RBFOX1: variants seen among roughly 807,000 people sequenced by gnomAD.
RBFOX1 encodes the protein RNA binding fox-1 homolog 1.
Under a neutral mutation model 57.7 loss-of-function variants are expected in RBFOX1, and 8 were observed. The ratio of observed to expected loss-of-function variants is 0.14; its 90% CI spans 0.08 to 0.25. The LOEUF is 0.25. RBFOX1 is among the 10% of genes least tolerant of loss of function. The probability of loss-of-function intolerance (pLI) is 1.00; values close to 1 mark genes in which losing one functional copy is unlikely to be tolerated. For synonymous variants in RBFOX1, 326 were observed against 222.4 expected (o/e 1.47, Z -4.15); for missense variants, 611 against 548.5 (o/e 1.11, Z -1.14).
At chr16:6,422,364 C>A (rs79837659) in intron 2 of RBFOX1, among the ~76,000 whole-genome samples, 3,136 of 151,966 alleles carry the variant, frequency 0.021, 42 homozygotes, top group Non-Finnish European at 0.026. Context: ...AGTGTAGTAC[C>A]CAATAGGTAG....
chr16:7,105,041 C>G lies in RBFOX1; in HGVS notation c.27+52943C>G, dbSNP rs137898882. Reference sequence around the variant, plus strand: ...ACAGAAAAGCCCTTCTTGGCACCTACAGATCTCCACTTACATTCTTCTAGC... The same window carrying G: ...ACAGAAAAGCCCTTCTTGGCACCTAGAGATCTCCACTTACATTCTTCTAGC... On this transcript the variant is annotated intron_variant, in intron 4 of 15. Transcript: ENST00000550418. 7.9e-5 allele frequency among the ~76,000 whole-genome samples: 12 copies of G among 151,882 alleles called. No homozygotes were observed. The East Asian group carries it at 2.1e-3, about 27-fold the overall frequency.
intron 3 of RBFOX1, among the ~76,000 whole-genome samples, chr16:6,894,899 T>G (rs924143422): frequency 6.6e-6 from 1 of 152,176 alleles, no homozygotes; most frequent in African/African-American, 2.4e-5. Context: ...AGCATGTGGC[T>G]TTCTCAGCTA....
chr16:5,659,386 C>G (rs140882294), intron 3 of RBFOX1, among the ~76,000 whole-genome samples: 2 of 151,372 alleles, frequency 1.3e-5, no homozygotes, highest in South Asian at 2.1e-4. Context: ...TCACTGCAAC[C>G]TCTGCCTCCC....
chr16:6,616,300 A>C, intron 2 of RBFOX1, among the ~76,000 whole-genome samples: 1 of 152,134 alleles, frequency 6.6e-6, no homozygotes, highest in Non-Finnish European at 1.5e-5. Context: ...GTTATATGCT[A>C]TATTACATGC....
intron 2 of RBFOX1, among the ~76,000 whole-genome samples, chr16:6,562,421 C>T (rs1196288676): frequency 6.6e-5 from 10 of 152,224 alleles, no homozygotes; most frequent in Admixed American, 6.5e-4. Context: ...ATTTAATAGG[C>T]ATCATCAACT....
chr16:6,830,293 A>C (rs1320235909), intron 3 of RBFOX1, among the ~76,000 whole-genome samples: 3 of 152,210 alleles, frequency 2.0e-5, no homozygotes, highest in Non-Finnish European at 4.4e-5. Context: ...ACAACAGGGA[A>C]AGTCTAAAAT....
At chr16:5,476,554 C>G (rs1213234191) in intron 2 of RBFOX1, among the ~76,000 whole-genome samples, 1 of 152,234 alleles carries the variant, frequency 6.6e-6, no homozygotes, top group Non-Finnish European at 1.5e-5. Context: ...AGCCCTGGCA[C>G]TCACAGGTTT....
At chr16:6,988,843 C>T (rs2090902256) in intron 3 of RBFOX1, among the ~76,000 whole-genome samples, 1 of 151,480 alleles carries the variant, frequency 6.6e-6, no homozygotes, top group African/African-American at 2.4e-5. Context: ...ATAATCTCGG[C>T]TCACTGCATC....
At chr16:5,797,040 C>G (rs896271310) in intron 3 of RBFOX1, among the ~76,000 whole-genome samples, 3 of 152,000 alleles carry the variant, frequency 2.0e-5, no homozygotes, top group Admixed American at 6.6e-5. Flanking sequence ...TAATAAGTGC[C>G]ATAAAGAAAA....
intron 4 of RBFOX1, among the ~76,000 whole-genome samples, chr16:7,355,854 T>A (rs1051085174): frequency 1.3e-5 from 2 of 152,234 alleles, no homozygotes; most frequent in African/African-American, 4.8e-5. Flanking sequence ...TCAGGGTCAT[T>A]TGCAGCTCCC....
intron 4 of RBFOX1, among the ~76,000 whole-genome samples, chr16:7,498,977 C>T (rs1029086016): frequency 6.6e-6 from 1 of 152,202 alleles, no homozygotes; most frequent in Non-Finnish European, 1.5e-5. Flanking sequence ...ATTTCTATCA[C>T]TGGACCTCAA....
chr16:6,353,877 C>A (rs1231989974), intron 2 of RBFOX1, among the ~76,000 whole-genome samples: 1 of 152,174 alleles, frequency 6.6e-6, no homozygotes, highest in Non-Finnish European at 1.5e-5. Flanking sequence ...TTCCTGCCTT[C>A]AGTGAAGAAC....
intron 4 of RBFOX1, among the ~76,000 whole-genome samples, chr16:7,109,026 C>T (rs1333952473): frequency 1.3e-5 from 2 of 152,056 alleles, no homozygotes; most frequent in Non-Finnish European, 2.9e-5. Context: ...GGGCAGTATA[C>T]GTGCAGCATA....
At position 5,747,197 on chromosome 16, in the gene RBFOX1, C is replaced by T. The variant is rs568409898; in HGVS notation, c.319-120106C>T. The stretch of plus-strand genomic sequence containing the variant: ...ATGCTGGATTACATTTATTGATTTG[C>T]ATATGTTGAACCAGCCTTGCATCCC... On this transcript the variant is annotated intron_variant, in intron 3 of 19. Coordinates refer to the RBFOX1 transcript ENST00000641259. Among the ~76,000 whole-genome samples the T allele has an allele frequency of 3.9e-5, 6 of 152,296 alleles. No individual in the cohort carries two copies. The South Asian group carries it at 1.2e-3, about 32-fold the overall frequency.
At chr16:6,703,493 C>T (rs983364160) in intron 3 of RBFOX1, among the ~76,000 whole-genome samples, 23 of 132,516 alleles carry the variant, frequency 1.7e-4, no homozygotes, top group African/African-American at 6.4e-4. Context: ...GGGAGGATTG[C>T]TTGAGCTCAG....
intron 4 of RBFOX1, chr16:7,304,352 C>A: frequency 1.0e-6 from 1 of 985,372 alleles, no homozygotes; most frequent in South Asian, 4.7e-5. Flanking sequence ...ATTCAAGCGT[C>A]CCCACTCGGG....
chr16:6,581,221 G>A (rs887753885), intron 2 of RBFOX1, among the ~76,000 whole-genome samples: 2 of 152,122 alleles, frequency 1.3e-5, no homozygotes, highest in South Asian at 4.2e-4. Context: ...AAGACCCAGG[G>A]AAGCTTTCCC....
chr16:7,627,630 C>G (rs939564897), intron 10 of RBFOX1, among the ~76,000 whole-genome samples: 3 of 152,210 alleles, frequency 2.0e-5, no homozygotes, highest in Non-Finnish European at 4.4e-5. Context: ...TGTAGGCCCT[C>G]TCCATACTGC....
chr16:6,703,527 A>G (rs1193250884), intron 3 of RBFOX1, among the ~76,000 whole-genome samples: 1 of 151,986 alleles, frequency 6.6e-6, no homozygotes, highest in Non-Finnish European at 1.5e-5. Context: ...CCTAGGCAAC[A>G]TACTGTGACC....
Sources: gnomAD v4.1 joint callset for allele counts (sites outside exome capture counted in the v4.1 genomes callset) on GRCh38, gnomAD v4.1.1 for gene constraint, MANE v1.5 for transcripts, NCBI Gene and HGNC (gene_info 2026-07-23, HGNC 2026-07-21) for gene names.